MECOM: variants seen among roughly 807,000 people sequenced by gnomAD.
MECOM encodes MDS1 and EVI1 complex locus.
MECOM carries 13 observed loss-of-function variants against 116.3 expected under a neutral mutation model. That is an observed-to-expected ratio of 0.11 (90% confidence interval 0.07 to 0.18). MECOM has a LOEUF of 0.18. Among genes scored for constraint, MECOM ranks in the 10% least tolerant of loss-of-function variants. The pLI, the probability that MECOM is intolerant of heterozygous loss-of-function variation, is 1.00. For synonymous variants in MECOM, 528 were observed against 535.2 expected, an observed-to-expected ratio of 0.99 and a Z score of 0.19; for missense variants, 1,299 against 1,509.0, an observed-to-expected ratio of 0.86 and a Z score of 2.31.
intron 2 of MECOM, among the ~76,000 whole-genome samples, chr3:169,190,119 TAGAC>T (rs904034727): frequency 2.0e-4 from 31 of 152,150 alleles, no homozygotes; most frequent in African/African-American, 7.5e-4. Context: ...GCTAAATATT[TAGAC>T]AGTCAATTTT....
chr3:169,624,709 T>C (rs1446103034), intron 1 of MECOM, among the ~76,000 whole-genome samples: 1 of 152,190 alleles, frequency 6.6e-6, no homozygotes, highest in Admixed American at 6.5e-5. Context: ...GTCATTGTTA[T>C]TCACCCACAG....
chr3:169,507,725 G>T (rs888792881), intron 1 of MECOM, among the ~76,000 whole-genome samples: 1 of 135,922 alleles, frequency 7.4e-6, no homozygotes, highest in Non-Finnish European at 1.5e-5. Context: ...GCAGTGGCGC[G>T]ATCTCGGCTC....
At chr3:169,153,264 T>G (rs1372499329) in intron 2 of MECOM, among the ~76,000 whole-genome samples, 1 of 152,144 alleles carries the variant, frequency 6.6e-6, no homozygotes, top group Admixed American at 6.6e-5. Context: ...ACAAGATATA[T>G]TCAAGAAATA....
At chr3:169,610,488 T>C (rs569103095) in intron 1 of MECOM, among the ~76,000 whole-genome samples, 1 of 146,488 alleles carries the variant, frequency 6.8e-6, no homozygotes, top group African/African-American at 2.6e-5. Flanking sequence ...ATGATATATA[T>C]GTAATGTTAC....
intron 1 of MECOM, among the ~76,000 whole-genome samples, chr3:169,544,568 C>G (rs12487399): frequency 6.6e-6 from 1 of 152,182 alleles, no homozygotes; most frequent in Non-Finnish European, 1.5e-5. Context: ...TACACATGAA[C>G]ACACATGTTT....
At chr3:169,572,538 A>G (rs1764029669) in intron 1 of MECOM, among the ~76,000 whole-genome samples, 1 of 152,210 alleles carries the variant, frequency 6.6e-6, no homozygotes, top group Admixed American at 6.5e-5. Flanking sequence ...AGACACATGC[A>G]CACATATGTT....
intron 2 of MECOM, among the ~76,000 whole-genome samples, chr3:169,261,964 A>G (rs548407436): frequency 6.6e-6 from 1 of 152,306 alleles, no homozygotes; most frequent in Non-Finnish European, 1.5e-5. Flanking sequence ...AATTGCCCCT[A>G]GTCTTTGCAG....
chr3:169,196,139 T>C (rs1384355907), intron 2 of MECOM, among the ~76,000 whole-genome samples: 4 of 151,958 alleles, frequency 2.6e-5, no homozygotes, highest in Admixed American at 6.6e-5. Flanking sequence ...ATTGATTATA[T>C]GAGATAGCTT....
chr3:169,619,125 A>G (rs915623729), intron 1 of MECOM, among the ~76,000 whole-genome samples: 3 of 152,194 alleles, frequency 2.0e-5, no homozygotes, highest in Non-Finnish European at 2.9e-5. Context: ...GCATTTTCAC[A>G]GTTAATTTTG....
At chr3:169,635,639 A>T (rs150260769) in intron 1 of MECOM, among the ~76,000 whole-genome samples, 1 of 152,332 alleles carries the variant, frequency 6.6e-6, no homozygotes, top group Non-Finnish European at 1.5e-5. Flanking sequence ...CCAAATATTC[A>T]TTGAACATGT....
At chr3:169,298,914 C>T (rs1285692046) in intron 2 of MECOM, among the ~76,000 whole-genome samples, 1 of 152,090 alleles carries the variant, frequency 6.6e-6, no homozygotes, top group African/African-American at 2.4e-5. Flanking sequence ...GCAATACAAG[C>T]TTTGCAAAGG....
chr3:169,485,475 A>T (rs1311487449), intron 1 of MECOM, among the ~76,000 whole-genome samples: 1 of 152,156 alleles, frequency 6.6e-6, no homozygotes, highest in East Asian at 1.9e-4. Context: ...TAAATTTACC[A>T]ACTAAAAAGA....
At chr3:169,608,653 C>T (rs1768878467) in intron 1 of MECOM, among the ~76,000 whole-genome samples, 1 of 152,176 alleles carries the variant, frequency 6.6e-6, no homozygotes, top group African/African-American at 2.4e-5. Context: ...AAGGATGAAG[C>T]AGTCCTAATG....
intron 1 of MECOM, among the ~76,000 whole-genome samples, chr3:169,640,120 T>G (rs1773280159): frequency 6.6e-6 from 1 of 152,204 alleles, no homozygotes; most frequent in Non-Finnish European, 1.5e-5. Context: ...AGAGACGTAG[T>G]GAATATTTGA....
chr3:169,489,488 T>G (rs1371759440), intron 1 of MECOM, among the ~76,000 whole-genome samples: 2 of 152,150 alleles, frequency 1.3e-5, no homozygotes, highest in African/African-American at 4.8e-5. Flanking sequence ...TATCAAGATA[T>G]CCTTAAAAAG....
At chr3:169,349,087 C>T (rs1725858439) in intron 2 of MECOM, among the ~76,000 whole-genome samples, 1 of 151,256 alleles carries the variant, frequency 6.6e-6, no homozygotes, top group African/African-American at 2.4e-5. Flanking sequence ...TTCCCCCCTC[C>T]CCCAGTGTTT....
intron 2 of MECOM, among the ~76,000 whole-genome samples, chr3:169,266,366 C>T (rs1056121339): frequency 6.6e-6 from 1 of 152,186 alleles, no homozygotes; most frequent in African/African-American, 2.4e-5. Context: ...TTCTAAGTTA[C>T]TTAACATGGG....
At chr3:169,313,928 A>T (rs56781999) in intron 2 of MECOM, among the ~76,000 whole-genome samples, 28,955 of 152,006 alleles carry the variant, frequency 0.19, 4,242 homozygotes, top group East Asian at 0.45. Context: ...ACAGGACCAA[A>T]CACTGATCAA....
intron 1 of MECOM, among the ~76,000 whole-genome samples, chr3:169,523,465 C>G (rs1023955449): frequency 6.6e-6 from 1 of 150,676 alleles, no homozygotes; most frequent in African/African-American, 2.4e-5. Context: ...GAGAACTTCT[C>G]TCTGGAGAGA....
Sources: allele counts gnomAD v4.1 joint callset (sites outside exome capture counted in the v4.1 genomes callset), GRCh38; gene constraint gnomAD v4.1.1; transcripts MANE v1.5; gene names NCBI Gene and HGNC (gene_info 2026-07-23, HGNC 2026-07-21).